Variants in TANC2 observed in about 807,000 individuals in gnomAD.
TANC2 encodes protein TANC2.
A neutral mutation model predicts 210.5 loss-of-function variants in TANC2; 26 were observed. The ratio of observed to expected loss-of-function variants is 0.12; its 90% CI spans 0.09 to 0.17. TANC2 has a LOEUF of 0.17. TANC2 is among the 10% of genes least tolerant of loss of function. The pLI is 1.00. For missense variants in TANC2, 2,129 were observed against 2,608.9 expected, an observed-to-expected ratio of 0.82 and a Z score of 4.01; for synonymous variants, 931 against 967.1, an observed-to-expected ratio of 0.96 and a Z score of 0.69.
At chr17:63,208,022 C>T (rs1410976212) in intron 7 of TANC2, among the ~76,000 whole-genome samples, 1 of 152,090 alleles carries the variant, frequency 6.6e-6, no homozygotes, top group Non-Finnish European at 1.5e-5. Flanking sequence ...ATTAGGTTTC[C>T]TCTTTTGTGA....
chr17:62,990,943 A>T (rs2032828351), intron 1 of TANC2, among the ~76,000 whole-genome samples: 1 of 152,222 alleles, frequency 6.6e-6, no homozygotes, highest in Non-Finnish European at 1.5e-5. Context: ...CAGGGAACTG[A>T]CTAAAAAAGC....
chr17:63,066,547 A>G (rs914604441), intron 2 of TANC2, among the ~76,000 whole-genome samples: 20 of 152,134 alleles, frequency 1.3e-4, no homozygotes, highest in Admixed American at 1.1e-3. Context: ...GGAATGAGAA[A>G]GGAACTCAAC....
chr17:63,124,860 T>G (rs1335509377), intron 4 of TANC2, among the ~76,000 whole-genome samples: 1 of 152,004 alleles, frequency 6.6e-6, no homozygotes, highest in African/African-American at 2.4e-5. Flanking sequence ...TGCTTGCCCC[T>G]TATGAGACTC....
In TANC2 at chr17:63,232,222, A is replaced by C. The variant is rs75933847; in HGVS notation, c.770-5592A>C. 5.5e-3 allele frequency among the ~76,000 whole-genome samples: 837 copies of C among 152,178 alleles called. 7 individuals carry two copies. Among genetic ancestry groups the C allele is most frequent in the African/African-American group, 0.018 (747 of 41,534 alleles). On this transcript the variant is annotated intron_variant, in intron 7 of 27. Coordinates refer to ENST00000689528, the Ensembl canonical transcript of TANC2. ...AGAACATGCTCCTTCAGCTCTGTGA[A>C]GTTATTACCCACCTTCTGAAGTCTA...
At chr17:63,017,899 T>C (rs916719825) in intron 2 of TANC2, among the ~76,000 whole-genome samples, 1 of 152,042 alleles carries the variant, frequency 6.6e-6, no homozygotes, top group East Asian at 1.9e-4. Context: ...CCCAGCACTT[T>C]GGGAGGCCAG....
At chr17:63,094,055 A>G (rs1043911055) in intron 3 of TANC2, among the ~76,000 whole-genome samples, 21 of 152,214 alleles carry the variant, frequency 1.4e-4, no homozygotes, top group Admixed American at 3.9e-4. Flanking sequence ...GTTTTTTAAA[A>G]TTTTCCAAAT....
At chr17:63,098,515 G>A (rs9910077) in intron 3 of TANC2, among the ~76,000 whole-genome samples, 61,810 of 126,186 alleles carry the variant, frequency 0.49, 16,185 homozygotes, top group African/African-American at 0.66. Flanking sequence ...CTCTCTGTGT[G>A]TATATATATA....
At chr17:63,225,760 A>G (rs1489346255) in intron 7 of TANC2, among the ~76,000 whole-genome samples, 1 of 152,188 alleles carries the variant, frequency 6.6e-6, no homozygotes, top group African/African-American at 2.4e-5. Flanking sequence ...ACAGGTCAAT[A>G]TTTCTAACTC....
intron 12 of TANC2, among the ~76,000 whole-genome samples, chr17:63,341,244 C>G (rs541167176): frequency 6.6e-6 from 1 of 152,338 alleles, no homozygotes; most frequent in Non-Finnish European, 1.5e-5. Context: ...CAGAATTTCT[C>G]TTTCTCCTCT....
At chr17:63,080,761 G>A (rs892195773) in intron 3 of TANC2, among the ~76,000 whole-genome samples, 8 of 151,896 alleles carry the variant, frequency 5.3e-5, no homozygotes, top group African/African-American at 1.9e-4. Context: ...AGAGTGACAA[G>A]GAAATTATTT....
intron 2 of TANC2, among the ~76,000 whole-genome samples, chr17:63,017,743 A>G (rs565049718): frequency 6.6e-6 from 1 of 152,376 alleles, no homozygotes; most frequent in South Asian, 2.1e-4. Context: ...TAGTGTAAGA[A>G]AAACAGTTAT....
chr17:63,118,825 G>T (rs2145108079), intron 4 of TANC2, among the ~76,000 whole-genome samples: 1 of 149,716 alleles, frequency 6.7e-6, no homozygotes, highest in East Asian at 2.0e-4. Context: ...TGTCGCCCAG[G>T]CTGGAGTGTA....
intron 2 of TANC2, among the ~76,000 whole-genome samples, chr17:63,060,032 C>A (rs2035939496): frequency 6.6e-6 from 1 of 152,164 alleles, no homozygotes; most frequent in African/African-American, 2.4e-5. Flanking sequence ...AATATAGATT[C>A]AGTATTACAG....
At chr17:63,049,144 T>G (rs2035487037) in intron 2 of TANC2, among the ~76,000 whole-genome samples, 1 of 152,194 alleles carries the variant, frequency 6.6e-6, no homozygotes, top group South Asian at 2.1e-4. Flanking sequence ...GCAAATTAAT[T>G]AATTCAACAG....
intron 18 of TANC2, among the ~76,000 whole-genome samples, chr17:63,397,559 C>T (rs777398512): frequency 7.9e-5 from 12 of 152,178 alleles, no homozygotes; most frequent in Non-Finnish European, 1.2e-4. Flanking sequence ...AGCTTTAGCA[C>T]TAAATGAAGC....
chr17:63,241,362 C>T (rs1195198069), intron 8 of TANC2, among the ~76,000 whole-genome samples: 2 of 152,138 alleles, frequency 1.3e-5, no homozygotes, highest in Non-Finnish European at 2.9e-5. Context: ...TAATCAGAAG[C>T]CCTTATTCAA....
At chr17:63,088,155 G>C (rs1393972805) in intron 3 of TANC2, 1 of 152,032 alleles carries the variant, frequency 6.6e-6, no homozygotes, top group African/African-American at 2.4e-5. Flanking sequence ...ACAGTCATAT[G>C]ATTTGTTTCC....
intron 11 of TANC2, among the ~76,000 whole-genome samples, chr17:63,330,598 C>T (rs1298022971): frequency 6.6e-6 from 1 of 152,142 alleles, no homozygotes; most frequent in Non-Finnish European, 1.5e-5. Flanking sequence ...CTAATGCATT[C>T]ATTAAAAGTG....
intron 19 of TANC2, among the ~76,000 whole-genome samples, chr17:63,404,845 G>GT (rs139123194): frequency 0.021 from 3,217 of 152,300 alleles, 103 homozygotes; most frequent in African/African-American, 0.072. Flanking sequence ...AGAGAAGACA[G>GT]TCTGGTTAGG....
Sources: gnomAD v4.1 joint callset for allele counts (sites outside exome capture counted in the v4.1 genomes callset) on GRCh38, gnomAD v4.1.1 for gene constraint, MANE v1.5 for transcripts, NCBI Gene and HGNC (gene_info 2026-07-23, HGNC 2026-07-21) for gene names.